Variants in TMTC2 observed in about 807,000 individuals in gnomAD.
TMTC2 encodes the protein protein O-mannosyl-transferase TMTC2.
In TMTC2, 43 loss-of-function variants were observed where a neutral mutation model predicts 82.4. The ratio of observed to expected loss-of-function variants is 0.52; its 90% confidence interval spans 0.41 to 0.67. TMTC2 has a LOEUF of 0.67. TMTC2 is among the 30% of genes least tolerant of loss of function. The pLI is 0.00. For missense variants in TMTC2, 919 were observed against 1,012.4 expected, an observed-to-expected ratio of 0.91 and a Z score of 1.25; for synonymous variants, 408 against 381.9, an observed-to-expected ratio of 1.07 and a Z score of -0.80.
At chr12:83,127,412 T>A (rs1885128242) in intron 11 of TMTC2, among the ~76,000 whole-genome samples, 1 of 152,106 alleles carries the variant, frequency 6.6e-6, no homozygotes, top group South Asian at 2.1e-4. Flanking sequence ...TTATCCTTCA[T>A]AAAACGGAAA....
intron 1 of TMTC2, among the ~76,000 whole-genome samples, chr12:82,775,076 T>G (rs1335470902): frequency 6.6e-6 from 1 of 152,062 alleles, no homozygotes; most frequent in Non-Finnish European, 1.5e-5. Context: ...ATTTTACTAT[T>G]AGTAACACAA....
Position 82,857,143 on chromosome 12 carries a change from T to C in TMTC2, c.217T>C (p.Phe73Leu). 1 of 1,614,168 alleles carries C rather than the reference T, an allele frequency of 6.2e-7. No individual in the cohort carries two copies. Among genetic ancestry groups the C allele is most frequent in the Non-Finnish European group, 8.5e-7 (1 of 1,180,038 alleles). ...CTACCGGCCACTCTGCACTCTTTCT[T>C]TTCGCCTGAACCATGCCATTGGAGG... Reference protein sequence around the residue: ...KSYRPLCTLSFRLNHAIGGLN... With the variant: ...KSYRPLCTLSLRLNHAIGGLN... The change falls in exon 2 of 12, where the codon TTT becomes CTT. Residue 73 changes from phenylalanine to leucine, a missense_variant. Coordinates refer to ENST00000321196, the MANE Select transcript of TMTC2 (RefSeq NM_152588.3).
At chr12:82,788,910 C>T (rs1365001607) in intron 1 of TMTC2, among the ~76,000 whole-genome samples, 1 of 152,044 alleles carries the variant, frequency 6.6e-6, no homozygotes, top group African/African-American at 2.4e-5. Context: ...TCATGCCTGT[C>T]ATCTCAGCAC....
intron 2 of TMTC2, among the ~76,000 whole-genome samples, chr12:82,878,240 G>A (rs1872675651): frequency 6.6e-6 from 1 of 152,178 alleles, no homozygotes; most frequent in South Asian, 2.1e-4. Flanking sequence ...TTCAGAGCTG[G>A]TATTCTTGTG....
chr12:82,904,571 A>G (rs1290975495), intron 3 of TMTC2, among the ~76,000 whole-genome samples: 7 of 152,210 alleles, frequency 4.6e-5, no homozygotes, highest in Non-Finnish European at 7.3e-5. Context: ...ATAGTTGATT[A>G]CTGTAGTTTG....
At chr12:82,762,139 G>C (rs536825496) in intron 1 of TMTC2, among the ~76,000 whole-genome samples, 1 of 151,884 alleles carries the variant, frequency 6.6e-6, no homozygotes, top group Non-Finnish European at 1.5e-5. Flanking sequence ...GCTAATTTTT[G>C]TATTTTTTTA....
At chr12:83,001,752 G>GTT (rs201061742) in intron 8 of TMTC2, among the ~76,000 whole-genome samples, 1 of 58,008 alleles carries the variant, frequency 1.7e-5, no homozygotes, top group East Asian at 8.5e-4. Flanking sequence ...AATACCATCA[G>GTT]TCTCTGCTGA....
At chr12:82,751,288 C>CA (rs1292059492) in intron 1 of TMTC2, among the ~76,000 whole-genome samples, 2 of 149,894 alleles carry the variant, frequency 1.3e-5, no homozygotes, top group Non-Finnish European at 3.0e-5. Flanking sequence ...ATCACAAGGA[C>CA]AAAAAACCAA....
intron 11 of TMTC2, among the ~76,000 whole-genome samples, chr12:83,074,775 C>A (rs1883230145): frequency 6.6e-6 from 1 of 152,076 alleles, no homozygotes; most frequent in Admixed American, 6.5e-5. Context: ...TGAAAACTTG[C>A]CCCAGGCTAC....
chr12:82,805,665 G>A (rs544904138), intron 1 of TMTC2, among the ~76,000 whole-genome samples: 29 of 151,582 alleles, frequency 1.9e-4, no homozygotes, highest in Admixed American at 1.6e-3. Flanking sequence ...CTGGCACCAC[G>A]CCCGGCTTTT....
intron 4 of TMTC2, among the ~76,000 whole-genome samples, chr12:82,959,210 A>T (rs974565025): frequency 5.9e-5 from 9 of 152,332 alleles, no homozygotes; most frequent in African/African-American, 1.9e-4. Flanking sequence ...TTCCATGCTT[A>T]TGAGTTGGAA....
intron 1 of TMTC2, among the ~76,000 whole-genome samples, chr12:82,817,393 A>G (rs1379404625): frequency 6.6e-6 from 1 of 152,038 alleles, no homozygotes; most frequent in Non-Finnish European, 1.5e-5. Context: ...TTATTGTTAT[A>G]TAGTATTCTT....
chr12:82,747,425 A>G (rs1344760816), intron 1 of TMTC2, among the ~76,000 whole-genome samples: 1 of 152,164 alleles, frequency 6.6e-6, no homozygotes, highest in Non-Finnish European at 1.5e-5. Flanking sequence ...CATTTTTTTA[A>G]CTGTATCTTA....
intron 1 of TMTC2, among the ~76,000 whole-genome samples, chr12:82,825,780 A>G (rs1025307587): frequency 6.6e-6 from 1 of 151,996 alleles, no homozygotes; most frequent in South Asian, 2.1e-4. Context: ...GGCTTTTTCT[A>G]TTTTTGTGAG....
At chr12:83,114,073 G>C (rs777902505) in intron 11 of TMTC2, among the ~76,000 whole-genome samples, 1 of 151,980 alleles carries the variant, frequency 6.6e-6, no homozygotes, top group African/African-American at 2.4e-5. Flanking sequence ...GTCCCCATCT[G>C]CTTTGGAAGA....
intron 8 of TMTC2, among the ~76,000 whole-genome samples, chr12:83,009,446 T>G (rs1478759309): frequency 6.6e-6 from 1 of 151,876 alleles, no homozygotes; most frequent in African/African-American, 2.4e-5. Flanking sequence ...TCGATTTGCT[T>G]CTGCGTCAGA....
intron 4 of TMTC2, among the ~76,000 whole-genome samples, chr12:82,959,545 AC>A: frequency 6.6e-6 from 1 of 152,282 alleles, no homozygotes; most frequent in African/African-American, 2.4e-5. Context: ...CTGACCTTCG[AC>A]AAATTTGACC....
intron 1 of TMTC2, among the ~76,000 whole-genome samples, chr12:82,841,144 C>T (rs974627917): frequency 1.3e-5 from 2 of 152,138 alleles, no homozygotes; most frequent in African/African-American, 4.8e-5. Context: ...TAACTGAGAT[C>T]TGAAAAAGCT....
At chr12:82,951,545 T>C (rs562759715) in intron 4 of TMTC2, among the ~76,000 whole-genome samples, 1 of 152,312 alleles carries the variant, frequency 6.6e-6, no homozygotes, top group East Asian at 1.9e-4. Context: ...AGTCTCGAAC[T>C]CCTGAGCTCA....
Sources: allele counts gnomAD v4.1 joint callset (sites outside exome capture counted in the v4.1 genomes callset), GRCh38; gene constraint gnomAD v4.1.1; transcripts MANE v1.5; gene names NCBI Gene and HGNC (gene_info 2026-07-23, HGNC 2026-07-21).